The following COMMD7 variants were observed in gnomAD, a reference collection of about 807,000 sequenced individuals.
The protein encoded by COMMD7 is COMM domain containing 7.
Under a neutral mutation model 34.8 loss-of-function variants are expected in COMMD7, and 28 were observed. That is an observed-to-expected ratio of 0.80 (90% CI 0.60 to 1.10). The LOEUF (loss-of-function observed/expected upper bound fraction) is 1.10. COMMD7 is among the 50% of genes least tolerant of loss of function. The pLI is 0.00. For synonymous variants in COMMD7, 80 were observed against 86.4 expected (o/e 0.93, Z 0.41); for missense variants, 211 against 241.6 (o/e 0.87, Z 0.84).
At chr20:32,736,446 G>A (rs574517486) in intron 1 of COMMD7, among the ~76,000 whole-genome samples, 10 of 150,426 alleles carry the variant, frequency 6.6e-5, no homozygotes, top group Middle Eastern at 7.3e-3. Context: ...TGAGGCCGGC[G>A]GATCACAAGG....
At chr20:32,707,283 C>CAA (rs1242140132) in intron 3 of COMMD7, among the ~76,000 whole-genome samples, 27 of 67,056 alleles carry the variant, frequency 4.0e-4, no homozygotes, top group Admixed American at 9.4e-4. Context: ...GACTCCGTCT[C>CAA]AAAAAAAAAA....
At chr20:32,704,364 C>A in intron 7 of COMMD7, 76 bp downstream of exon 7, 5 of 1,306,198 alleles carry the variant, frequency 3.8e-6, no homozygotes, top group Admixed American at 2.3e-5. Context: ...TTTAAATATC[C>A]ATTTAACCCA....
chr20:32,741,464 T>C (rs1464032149), intron 1 of COMMD7, among the ~76,000 whole-genome samples: 2 of 151,916 alleles, frequency 1.3e-5, no homozygotes, highest in Admixed American at 1.3e-4. Flanking sequence ...AATCGCAGCT[T>C]ACTGCAACCT....
intron 1 of COMMD7, among the ~76,000 whole-genome samples, chr20:32,737,286 C>T (rs1357375867): frequency 6.8e-6 from 1 of 147,830 alleles, no homozygotes; most frequent in Non-Finnish European, 1.5e-5. Flanking sequence ...AGGAGAATTG[C>T]TTGAACCTGG....
chr20:32,714,416 C>T (rs575433217), intron 3 of COMMD7, among the ~76,000 whole-genome samples: 3 of 151,972 alleles, frequency 2.0e-5, no homozygotes, highest in Non-Finnish European at 4.4e-5. Flanking sequence ...AAAATAGGGC[C>T]GGGCACGGTG....
rs143768972 is a variant in COMMD7, at chr20:32,739,462, G to A, written c.84+3846C>T. Among the ~76,000 whole-genome samples, 175 of 151,754 alleles carry A rather than the reference G, an allele frequency of 1.2e-3. 1 individual carries two copies. Among genetic ancestry groups the A allele is most frequent in the African/African-American group, 4.0e-3 (165 of 41,378 alleles). ...AGATAAAGACCATCCTCACTAAAGCGGTGAAACCCCATCTCTACTAAAAAT... is the reference window on the plus strand; with the variant it reads ...AGATAAAGACCATCCTCACTAAAGCAGTGAAACCCCATCTCTACTAAAAAT... On this transcript the variant is annotated intron_variant, in intron 1 of 8. Transcript: ENST00000278980.
intron 1 of COMMD7, among the ~76,000 whole-genome samples, chr20:32,738,100 C>T (rs1316393270): frequency 2.0e-5 from 3 of 152,152 alleles, no homozygotes; most frequent in Non-Finnish European, 2.9e-5. Context: ...AAATTCCTGG[C>T]TCCATCACTT....
intron 1 of COMMD7, among the ~76,000 whole-genome samples, chr20:32,733,127 A>T (rs928801066): frequency 1.3e-5 from 2 of 151,038 alleles, no homozygotes; most frequent in Admixed American, 6.6e-5. Flanking sequence ...TCCCAGCAGA[A>T]TTACTTCAAC....
intron 3 of COMMD7, among the ~76,000 whole-genome samples, chr20:32,711,519 T>C (rs1984447450): frequency 6.6e-6 from 1 of 152,086 alleles, no homozygotes; most frequent in African/African-American, 2.4e-5. Flanking sequence ...CACCAAGTTC[T>C]TTCTACACCA....
intron 1 of COMMD7, among the ~76,000 whole-genome samples, chr20:32,734,599 C>T (rs1267087429): frequency 1.4e-4 from 22 of 151,984 alleles, no homozygotes; most frequent in Non-Finnish European, 8.8e-5. Context: ...TGTTCAAGAT[C>T]ACCATAGGCA....
At chr20:32,711,084 AAAAT>A (rs993934845) in intron 3 of COMMD7, among the ~76,000 whole-genome samples, 4 of 152,040 alleles carry the variant, frequency 2.6e-5, no homozygotes, top group African/African-American at 7.2e-5. Flanking sequence ...TCTATCTCTA[AAAAT>A]AAATAAATAA....
At chr20:32,704,954 C>A in intron 5 of COMMD7, 50 bp from the exon 6 acceptor site, 2 of 1,282,324 alleles carry the variant, frequency 1.6e-6, no homozygotes, top group East Asian at 2.3e-5. Flanking sequence ...AAATCTCCCC[C>A]TCTCCATCCT....
At chr20:32,703,947 G>A (rs751510150) in intron 8 of COMMD7, 76 bp downstream of exon 8, 2 of 1,608,328 alleles carry the variant, frequency 1.2e-6, no homozygotes, top group Non-Finnish European at 8.5e-7. Context: ...GACATGATTT[G>A]TGGTGAGCGT....
chr20:32,702,808 A>G lies in COMMD7; in HGVS notation c.*574T>C. 6.6e-6 allele frequency: 1 copy of G among 152,248 alleles called. No individual in the cohort carries two copies. The highest frequency in any genetic ancestry group is 2.1e-4 in the South Asian group (1 of 4,832). 9.4% of individuals were successfully genotyped at this position (152,248 alleles called of 1,614,324 possible). On this transcript the variant is annotated 3_prime_UTR_variant, in exon 9 of 9. Transcript: ENST00000278980. ...CCTCGTTACGACATGACAGGGCAAAACCAGAAGTAGGGACAGAGTTTAGCC... is the reference window on the plus strand; with the variant it reads ...CCTCGTTACGACATGACAGGGCAAAGCCAGAAGTAGGGACAGAGTTTAGCC...
At chr20:32,736,180 C>T (rs56010505) in intron 1 of COMMD7, among the ~76,000 whole-genome samples, 144,368 of 152,240 alleles carry the variant, frequency 0.95, 68,638 homozygotes, top group East Asian at 0.99. Context: ...ACCCACCGAA[C>T]GAGCAATAAA....
rs111526861 is a variant in COMMD7, at chr20:32,704,508, A to G, written c.428-19T>C. 4 of 1,571,830 alleles carry G rather than the reference A, an allele frequency of 2.5e-6. No individual in the cohort carries two copies. The highest frequency in any genetic ancestry group is 3.6e-5 in the Admixed American group (2 of 55,342). On this transcript the variant is annotated intron_variant, in intron 6 of 8. Coordinates refer to ENST00000278980, the MANE Select transcript of COMMD7 (RefSeq NM_053041.3). ...GATGTCACTGTGACAAAAAAAAAAA[A>G]AAAGAGAGAGAGAGAGAGAAATAAC...
At chr20:32,726,144 C>T (rs1985499356) in intron 3 of COMMD7, among the ~76,000 whole-genome samples, 1 of 151,128 alleles carries the variant, frequency 6.6e-6, no homozygotes, top group Admixed American at 6.6e-5. Flanking sequence ...TAATCCAGCA[C>T]TTTGGGGAGC....
intron 1 of COMMD7, among the ~76,000 whole-genome samples, chr20:32,729,691 C>T (rs1216958974): frequency 6.6e-6 from 1 of 151,470 alleles, no homozygotes; most frequent in East Asian, 1.9e-4. Flanking sequence ...TCTTGTACTT[C>T]CGAGCAAGCA....
intron 3 of COMMD7, among the ~76,000 whole-genome samples, chr20:32,725,451 C>A (rs562141790): frequency 3.1e-5 from 3 of 97,978 alleles, no homozygotes; most frequent in Non-Finnish European, 4.2e-5. Flanking sequence ...TTTTTTGAGA[C>A]GGAGTGTTGC....
Sources: gnomAD v4.1 joint callset for allele counts (sites outside exome capture counted in the v4.1 genomes callset) on GRCh38, gnomAD v4.1.1 for gene constraint, MANE v1.5 for transcripts, NCBI Gene and HGNC (gene_info 2026-07-23, HGNC 2026-07-21) for gene names.